SLC5A9: variants seen among roughly 807,000 people sequenced by gnomAD.
The protein encoded by SLC5A9 is solute carrier family 5 member 9.
In SLC5A9, 59 loss-of-function variants were observed where a neutral mutation model predicts 70.9. That is an observed-to-expected ratio of 0.83 (90% CI 0.68 to 1.03). The LOEUF (loss-of-function observed/expected upper bound fraction) is 1.03, where lower values mean the gene tolerates loss of function less well. SLC5A9 is among the 50% of genes least tolerant of loss of function. The pLI is 0.00. For missense variants in SLC5A9, 832 were observed against 881.1 expected, an observed-to-expected ratio of 0.94 and a Z score of 0.71; for synonymous variants, 340 against 346.5, an observed-to-expected ratio of 0.98 and a Z score of 0.21.
chr1:48,223,559 AGCACCTGGCACG>A (rs1644101644), intron 1 of SLC5A9, among the ~76,000 whole-genome samples: 1 of 152,208 alleles, frequency 6.6e-6, no homozygotes, highest in African/African-American at 2.4e-5. Flanking sequence ...GACATACTGC[AGCACCTGGCACG>A]GTGCCTGGTG....
intron 11 of SLC5A9, among the ~76,000 whole-genome samples, chr1:48,238,241 A>AG (rs1644353924): frequency 6.6e-6 from 1 of 152,128 alleles, no homozygotes; most frequent in Non-Finnish European, 1.5e-5. Context: ...GATTAATGAG[A>AG]GGGGGAAGAA....
intron 10 of SLC5A9, 30 bp from the exon 11 acceptor site, chr1:48,237,649 T>C (rs778604698): frequency 1.2e-6 from 2 of 1,608,658 alleles, no homozygotes; most frequent in Non-Finnish European, 1.7e-6. Flanking sequence ...CACCCGAGTG[T>C]GCCTCAGTGC....
At chr1:48,233,807 C>A in intron 9 of SLC5A9, 45 bp downstream of exon 9, 1 of 1,356,676 alleles carries the variant, frequency 7.4e-7, no homozygotes, top group Non-Finnish European at 1.0e-6. Context: ...CACCTCCAGC[C>A]TCCTCCAATC....
chr1:48,223,709 C>T (rs1168699111), intron 1 of SLC5A9, among the ~76,000 whole-genome samples: 6 of 152,088 alleles, frequency 3.9e-5, no homozygotes, highest in African/African-American at 1.4e-4. Flanking sequence ...GGTCAGAGAC[C>T]CTCTCTGAGC....
At chr1:48,240,143 C>G (rs1408225018) in intron 12 of SLC5A9, among the ~76,000 whole-genome samples, 1 of 152,190 alleles carries the variant, frequency 6.6e-6, no homozygotes. Flanking sequence ...ACTTAAGCAA[C>G]AGAATGTATG....
rs2148573881 is a variant in SLC5A9 at position 48,232,372 on chromosome 1, T to C, written c.903T>C (p.Ile301=). ...ATWCWCTDQV[I]VQRSLSAKSL... ...CTCATTTGCTGCCCTTTCAGGTCAT[T>C]GTGCAGCGGTCTCTCTCGGCCAAGA... The change falls in exon 8 of 14, where the codon ATT becomes ATC. Residue 301 remains isoleucine (I), a synonymous_variant. Coordinates refer to ENST00000438567, the MANE Select transcript of SLC5A9 (RefSeq NM_001011547.3). 1.9e-6 allele frequency: 3 copies of C among 1,614,102 alleles called. No homozygotes were observed. In the East Asian group the frequency reaches 6.7e-5, roughly 36 times the overall value.
At chr1:48,231,473 A>C in intron 5 of SLC5A9, 72 bp from the exon 6 acceptor site, 1 of 1,584,236 alleles carries the variant, frequency 6.3e-7, no homozygotes, top group South Asian at 1.1e-5. Context: ...CAGTGTGGCC[A>C]TGCACAGGGC....
rs1644370589 is a variant in SLC5A9, at chr1:48,239,686, G to A, written c.1677+149G>A. On this transcript the variant is annotated intron_variant, in intron 12 of 13. Coordinates refer to ENST00000438567, the MANE Select transcript of SLC5A9 (RefSeq NM_001011547.3). The surrounding 1 kb of genome is among the most constrained non-coding windows in gnomAD (Gnocchi z 4.2). ...TGGGAGGGAAAGTGCCTTGGGCTAT[G>A]AATTCCCCATTGAAAAGTAATTCAT... is the stretch of plus-strand genomic sequence containing the variant. 10 of 713,800 alleles carry A rather than the reference G, an allele frequency of 1.4e-5. No homozygotes were observed. The Admixed American group carries it at 2.7e-4, about 19-fold the overall frequency. The allele number at this position is 713,800 out of a possible 1,614,324, so 44.2% of individuals were successfully genotyped here. A position where few individuals can be genotyped will look rare whatever the true frequency, so the allele number is the denominator to read the frequency against.
chr1:48,225,582 C>G (rs1202229549), intron 2 of SLC5A9, among the ~76,000 whole-genome samples: 1 of 152,038 alleles, frequency 6.6e-6, no homozygotes, highest in African/African-American at 2.4e-5. Flanking sequence ...AGTATACACA[C>G]CCAGGCATGC....
chr1:48,235,604 A>C (rs1569847710), intron 9 of SLC5A9, 125 bp from the exon 10 acceptor site: 1 of 1,137,044 alleles, frequency 8.8e-7, no homozygotes, highest in African/African-American at 1.6e-5. Flanking sequence ...GCCTCATCCA[A>C]CCCCTTCCCT....
chr1:48,239,679 G>A lies in SLC5A9; in HGVS notation c.1677+142G>A. The stretch of plus-strand genomic sequence containing the variant: ...ATGTCCTTGGGAGGGAAAGTGCCTT[G>A]GGCTATGAATTCCCCATTGAAAAGT... On this transcript the variant is annotated intron_variant, in intron 12 of 13. Coordinates refer to ENST00000438567, the MANE Select transcript of SLC5A9 (RefSeq NM_001011547.3). The surrounding 1 kb of genome is among the most constrained non-coding windows in gnomAD (Gnocchi z 4.2). 3 of 756,576 alleles carry A rather than the reference G, an allele frequency of 4.0e-6. No individual in the cohort carries two copies. The South Asian group carries it at 5.2e-5, about 13-fold the overall frequency. 46.9% of individuals were successfully genotyped at this position (756,576 alleles called of 1,614,324 possible).
intron 2 of SLC5A9, among the ~76,000 whole-genome samples, chr1:48,227,229 AGTGT>A (rs747060879): frequency 3.1e-5 from 3 of 95,950 alleles, no homozygotes; most frequent in African/African-American, 9.4e-5. Flanking sequence ...TGCATGTGTG[AGTGT>A]GTGTGTACTG....
At position 48,235,831 on chromosome 1, in the gene SLC5A9, A is replaced by G; in HGVS notation, c.1244A>G (p.Gln415Arg). The G allele has an allele frequency of 6.2e-7, 1 of 1,614,202 alleles. No individual in the cohort carries two copies. The change falls in exon 10 of 14, where the codon CAG becomes CGG. Residue 415 changes from glutamine (Q) to arginine (R), a missense_variant. Physicochemically the swap from Gln to Arg is conservative, Grantham distance 43. Transcript: ENST00000438567. ...ACCCTGTTCACCATTGATGTGTGGC[A>G]GCGCTTCCGCAGGAAGTCAACAGAG... ...SSTLFTIDVW[Q>R]RFRRKSTEQE... is the part of the protein sequence containing the mutation.
At chr1:48,234,820 G>A (rs1314199342) in intron 9 of SLC5A9, among the ~76,000 whole-genome samples, 1 of 152,134 alleles carries the variant, frequency 6.6e-6, no homozygotes, top group African/African-American at 2.4e-5. Flanking sequence ...AGGTAAGCAG[G>A]GAGGGGAGCA....
chr1:48,229,621 G>A lies in SLC5A9; in HGVS notation c.504+162G>A, dbSNP rs1051580845. On this transcript the variant is annotated intron_variant, in intron 4 of 13. Transcript: ENST00000438567. Reference sequence around the variant, plus strand: ...TTAATGCATGTTCTGCCTCAGCACTGGGGTACTCAGAGATGAATGATAAAT... The same window carrying A: ...TTAATGCATGTTCTGCCTCAGCACTAGGGTACTCAGAGATGAATGATAAAT... The A allele has an allele frequency of 2.5e-5, 28 of 1,107,442 alleles. No homozygotes were observed. The Admixed American group carries it at 4.8e-4, about 19-fold the overall frequency. 68.6% of individuals were successfully genotyped at this position (1,107,442 alleles called of 1,614,324 possible).
In SLC5A9 at chr1:48,229,067, G is replaced by A. The variant is rs755924150; in HGVS notation, c.339+113G>A. 42 of 1,613,852 alleles carry A rather than the reference G, an allele frequency of 2.6e-5. No homozygotes were observed. In the East Asian group the frequency reaches 6.5e-4, roughly 25 times the overall value. On this transcript the variant is annotated intron_variant, in intron 3 of 13. Transcript: ENST00000438567. ...TGCCTGGGAGGCTACATGGTGAATC[G>A]AGAATCCATTTCACAATTGAGAATC...
chr1:48,235,201 G>A (rs1018260697), intron 9 of SLC5A9, among the ~76,000 whole-genome samples: 2 of 152,272 alleles, frequency 1.3e-5, no homozygotes, highest in Non-Finnish European at 2.9e-5. Context: ...CATACAGCTG[G>A]TTACTTGCAG....
chr1:48,226,540 C>T (rs559997943), intron 2 of SLC5A9, among the ~76,000 whole-genome samples: 70 of 152,320 alleles, frequency 4.6e-4, no homozygotes, highest in African/African-American at 1.5e-3. Flanking sequence ...TGCCTGAGGC[C>T]AGAGTAAGAA....
chr1:48,230,467 C>T, intron 4 of SLC5A9, 133 bp from the exon 5 acceptor site: 1 of 651,576 alleles, frequency 1.5e-6, no homozygotes, highest in Non-Finnish European at 2.8e-6. Flanking sequence ...CTTAGCATAG[C>T]ACTTAAAGCT....
Sources: allele counts gnomAD v4.1 joint callset (sites outside exome capture counted in the v4.1 genomes callset), GRCh38; gene constraint gnomAD v4.1.1; non-coding constraint Gnocchi (gnomAD v3.1); transcripts MANE v1.5; gene names NCBI Gene and HGNC (gene_info 2026-07-23, HGNC 2026-07-21).